Variants in MYCBPAP observed in about 807,000 individuals in gnomAD.
MYCBPAP encodes the protein MYCBP-associated protein.
Under a neutral mutation model 106.1 loss-of-function variants are expected in MYCBPAP, and 60 were observed. The ratio of observed to expected loss-of-function variants is 0.57; its 90% CI spans 0.46 to 0.70. The LOEUF (loss-of-function observed/expected upper bound fraction) is 0.70. Ranked by LOEUF, MYCBPAP falls within the 30% of genes least tolerant of loss-of-function variation. The pLI, the probability that MYCBPAP is intolerant of heterozygous loss-of-function variation, is 0.00. For missense variants in MYCBPAP, 1,064 were observed against 1,169.3 expected (o/e 0.91, Z 1.31); for synonymous variants, 407 against 440.6 (o/e 0.92, Z 0.95).
In MYCBPAP at chr17:50,521,171, C is replaced by A. The variant is rs1303629636; in HGVS notation, c.978C>A (p.Ile326=). 2 of 1,613,782 alleles carry A rather than the reference C, an allele frequency of 1.2e-6. No individual in the cohort carries two copies. Among genetic ancestry groups the A allele is most frequent in the African/African-American group, 2.7e-5 (2 of 74,936 alleles). ...RYTWDRSLFL[I]YRRKELQRIM... ...CCTGGGATCGGAGTCTGTTTCTGATCTACCGACGCAAGGAGCTGCAGAGAA... is the reference window on the plus strand; with the variant it reads ...CCTGGGATCGGAGTCTGTTTCTGATATACCGACGCAAGGAGCTGCAGAGAA... Residue 326 remains isoleucine (I), a synonymous_variant, in exon 8 of 19, where the codon ATC becomes ATA. Coordinates refer to ENST00000323776, the MANE Select transcript of MYCBPAP (RefSeq NM_032133.6).
At chr17:50,509,170 A>G in intron 1 of MYCBPAP, 2 of 702,692 alleles carry the variant, frequency 2.8e-6, no homozygotes, top group South Asian at 1.5e-5. Flanking sequence ...GAAACCAGCC[A>G]CCTTGATGGG....
chr17:50,509,008 A>G (rs1462472525), intron 1 of MYCBPAP: 1 of 702,648 alleles, frequency 1.4e-6, no homozygotes, highest in South Asian at 1.5e-5. Context: ...CTGGCTGGGG[A>G]GATGGCCTTG....
rs1204925081 is a variant in MYCBPAP, at chr17:50,526,402, T to TTATC, written c.2169+147_2169+150dup. On this transcript the variant is annotated intron_variant, in intron 14 of 18. Coordinates refer to ENST00000323776, the MANE Select transcript of MYCBPAP (RefSeq NM_032133.6). ...AGCCCAGAGAAAGTGATCTCTTGGGTTATCTATCTATCTATTTATTTATTT... is the reference window on the plus strand; with the variant it reads ...AGCCCAGAGAAAGTGATCTCTTGGGTTATCTATCTATCTATCTATTTATTTATTT... The TTATC allele has an allele frequency of 7.1e-4, 390 of 552,874 alleles. 9 individuals carry two copies. Among genetic ancestry groups the TTATC allele is most frequent in the African/African-American group, 5.2e-3 (229 of 44,128 alleles). The allele number at this position is 552,874 out of a possible 1,614,324, so 34.2% of individuals were successfully genotyped here.
In MYCBPAP at chr17:50,531,468, A is replaced by C. The variant is rs1486493240; in HGVS notation, c.*40A>C. On this transcript the variant is annotated 3_prime_UTR_variant, in exon 19 of 19. Coordinates refer to ENST00000323776, the MANE Select transcript of MYCBPAP (RefSeq NM_032133.6). ...CAACCTTCTGGAAAACGGGTTAATA[A>C]ATAAATCAATAAAGAACCTTCAAGT... The C allele has an allele frequency of 6.9e-7, 1 of 1,447,716 alleles. No homozygotes were observed. Among genetic ancestry groups the C allele is most frequent in the African/African-American group, 1.4e-5 (1 of 70,116 alleles). 89.7% of individuals were successfully genotyped at this position (1,447,716 alleles called of 1,614,324 possible).
intron 12 of MYCBPAP, among the ~76,000 whole-genome samples, 166 bp from the exon 13 acceptor site, chr17:50,524,711 C>T (rs990432328): frequency 3.1e-4 from 43 of 138,922 alleles, no homozygotes; most frequent in Middle Eastern, 3.6e-3. Flanking sequence ...TTAGAACAGG[C>T]GTGTGTGTGT....
chr17:50,519,879 C>T lies in MYCBPAP; in HGVS notation c.916+92C>T, dbSNP rs911171039. ...TGGCCAGCATAGCTCTACAGTGAAA[C>T]AGGCCCAGGGCCTGTTTCTCTGTGG... On this transcript the variant is annotated intron_variant, in intron 7 of 18. Transcript: ENST00000323776. 6.3e-6 allele frequency: 9 copies of T among 1,418,320 alleles called. No homozygotes were observed. The African/African-American group carries it at 1.1e-4, about 18-fold the overall frequency. The allele number at this position is 1,418,320 out of a possible 1,614,324, so 87.9% of individuals were successfully genotyped here.
chr17:50,528,120 G>A (rs2034518905), intron 15 of MYCBPAP, 35 bp from the exon 16 acceptor site: 3 of 1,572,490 alleles, frequency 1.9e-6, no homozygotes, highest in Non-Finnish European at 2.6e-6. Flanking sequence ...CAAATGAGGA[G>A]TGATGGCATT....
Position 50,524,934 on chromosome 17 carries a change from C to T in MYCBPAP, c.1693C>T (p.Leu565=). Residue 565 remains leucine (L), a synonymous_variant, in exon 13 of 19, where the codon CTG becomes TTG. Coordinates refer to ENST00000323776, the MANE Select transcript of MYCBPAP (RefSeq NM_032133.6). ...CGTTCGCGAAGTGCTGCAGGAGCTGCTGATGGGGGTCTTGACCCCGGAGCG... is the reference window on the plus strand; with the variant it reads ...CGTTCGCGAAGTGCTGCAGGAGCTGTTGATGGGGGTCTTGACCCCGGAGCG... The part of the protein sequence containing the change: ...TVVREVLQEL[L]MGVLTPERTP... 1 of 1,614,064 alleles carries T rather than the reference C, an allele frequency of 6.2e-7. No homozygotes were observed. Among genetic ancestry groups the T allele is most frequent in the Non-Finnish European group, 8.5e-7 (1 of 1,180,028 alleles).
intron 1 of MYCBPAP, chr17:50,508,958 C>A: frequency 1.4e-6 from 1 of 706,112 alleles, no homozygotes; most frequent in South Asian, 1.5e-5. Context: ...GGGATGGGGA[C>A]ATAGGAAGTG....
intron 18 of MYCBPAP, among the ~76,000 whole-genome samples, chr17:50,531,062 G>C (rs1164973366): frequency 2.0e-5 from 3 of 150,802 alleles, no homozygotes; most frequent in African/African-American, 7.3e-5. Flanking sequence ...TGAGATGGGA[G>C]AATCACCTGA....
chr17:50,526,136 C>T lies in MYCBPAP; in HGVS notation c.2038C>T (p.Pro680Ser), dbSNP rs1218948985. 1 of 1,613,784 alleles carries T rather than the reference C, an allele frequency of 6.2e-7. No homozygotes were observed. The highest frequency in any genetic ancestry group is 8.5e-7 in the Non-Finnish European group (1 of 1,179,958). Residue 680 changes from proline to serine, a missense_variant, in exon 14 of 19, where the codon CCT becomes TCT. By Grantham distance (74) the Pro-to-Ser change is moderately conservative. Coordinates refer to ENST00000323776, the MANE Select transcript of MYCBPAP (RefSeq NM_032133.6). ...GAAGGCCAGAGTGGGGACCAAGAGT[C>T]CTCAGCGGAAGAGCATCATGGAGGA... ...SQKARVGTKSPQRKSIMEEIL... is the reference protein window; with the variant it reads ...SQKARVGTKSSQRKSIMEEIL...
rs1319131948 is a variant in MYCBPAP, at chr17:50,517,641, C to A, written c.411C>A (p.His137Gln). The A allele has an allele frequency of 6.2e-7, 1 of 1,614,216 alleles. No individual in the cohort carries two copies. Among genetic ancestry groups the A allele is most frequent in the Admixed American group, 1.7e-5 (1 of 60,020 alleles). ...GCAGTGACCAGATCCTGCCCCACCA[C>A]ATCTTGGGGAGTCTCCAGGATTTTA... ...FDGSDQILPH[H>Q]ILGSLQDFKR... The change falls in exon 4 of 19, where the codon CAC becomes CAA. Residue 137 changes from histidine to glutamine, a missense_variant. Coordinates refer to ENST00000323776, the MANE Select transcript of MYCBPAP (RefSeq NM_032133.6).
chr17:50,517,839 C>T, intron 4 of MYCBPAP, 141 bp downstream of exon 4: 1 of 677,496 alleles, frequency 1.5e-6, no homozygotes, highest in Non-Finnish European at 2.6e-6. Flanking sequence ...GGGACCCTCT[C>T]CCAGAATAGT....
At chr17:50,509,306 T>G in intron 1 of MYCBPAP, 3 of 606,376 alleles carry the variant, frequency 4.9e-6, no homozygotes, top group Admixed American at 2.5e-5. Flanking sequence ...CCACGTGCAC[T>G]TTCCAGCTGG....
intron 1 of MYCBPAP, among the ~76,000 whole-genome samples, chr17:50,511,645 G>C (rs773412434): frequency 6.6e-6 from 1 of 152,140 alleles, no homozygotes; most frequent in Non-Finnish European, 1.5e-5. Context: ...TGACTACCCC[G>C]TGCAAGCGGG....
chr17:50,519,137 GA>G, intron 6 of MYCBPAP, 48 bp downstream of exon 6: 1 of 1,252,976 alleles, frequency 8.0e-7, no homozygotes, highest in South Asian at 1.3e-5. Context: ...GTCCATGGAG[GA>G]GGGGGCGGGG....
intron 13 of MYCBPAP, among the ~76,000 whole-genome samples, chr17:50,525,670 T>TTTTTTTTTTTTG (rs2034434732): frequency 1.3e-5 from 2 of 150,896 alleles, no homozygotes; most frequent in Non-Finnish European, 3.0e-5. Context: ...TTTTTTTTTT[T>TTTTTTTTTTTTG]GGTAGAGATA....
intron 1 of MYCBPAP, chr17:50,514,901 A>G (rs892182989): frequency 2.2e-6 from 1 of 453,708 alleles, no homozygotes; most frequent in African/African-American, 2.0e-5. Context: ...TTGGCCTCCC[A>G]AGATCTTGCA....
chr17:50,525,772 T>C, intron 13 of MYCBPAP, 109 bp from the exon 14 acceptor site: 1 of 1,347,206 alleles, frequency 7.4e-7, no homozygotes, highest in Non-Finnish European at 1.0e-6. Flanking sequence ...ATTGCAGGCT[T>C]GAGCCACTGT....
Sources: allele counts gnomAD v4.1 joint callset (sites outside exome capture counted in the v4.1 genomes callset), GRCh38; gene constraint gnomAD v4.1.1; transcripts MANE v1.5; gene names NCBI Gene and HGNC (gene_info 2026-07-23, HGNC 2026-07-21).